The following ECT2L variants were observed in gnomAD, a reference collection of about 807,000 sequenced individuals.
ECT2L encodes epithelial cell transforming 2 like.
Under a neutral mutation model 122.8 loss-of-function variants are expected in ECT2L, and 126 were observed. The ratio of observed to expected loss-of-function variants is 1.03; its 90% CI spans 0.89 to 1.19. The LOEUF is 1.19. Among genes scored for constraint, ECT2L ranks in the 50% most tolerant of loss-of-function variants. The pLI is 0.00. For missense variants in ECT2L, 1,012 were observed against 1,064.1 expected (o/e 0.95, Z 0.68); for synonymous variants, 385 against 381.8 (o/e 1.01, Z -0.10).
In ECT2L at chr6:138,900,950, T is replaced by A; in HGVS notation, c.2417T>A (p.Leu806His). The A allele has an allele frequency of 1.2e-6, 2 of 1,613,698 alleles. No individual in the cohort carries two copies. The highest frequency in any genetic ancestry group is 1.7e-6 in the Non-Finnish European group (2 of 1,179,862). The part of the protein sequence containing the change: ...CDEEISFSLR[L>H]YEHIHDLSLF... The stretch of plus-strand genomic sequence containing the variant: ...GTACCTTCTCCATTTTAACACAGGC[T>A]CTATGAACACATCCATGATCTCAGC... Residue 806 changes from leucine (L) to histidine (H), a missense_variant and splice_region_variant, in exon 21 of 22, where the codon CTC (leucine) becomes CAC (histidine). Transcript: ENST00000541398.
intron 16 of ECT2L, 147 bp downstream of exon 16, chr6:138,883,018 G>A: frequency 4.5e-6 from 4 of 880,004 alleles, no homozygotes; most frequent in Non-Finnish European, 6.8e-6. Flanking sequence ...TCTGAGGACA[G>A]GAACCCTGAC....
intron 10 of ECT2L, among the ~76,000 whole-genome samples, chr6:138,855,223 G>GCTGGTCAGGTGTGGTGGCT (rs2128395774): frequency 6.6e-6 from 1 of 152,064 alleles, no homozygotes; most frequent in East Asian, 1.9e-4. Flanking sequence ...TAGAAAATAT[G>GCTGGTCAGGTGTGGTGGCT]CTGGTCAGGT....
chr6:138,841,336 G>C (rs1157777857), intron 5 of ECT2L, among the ~76,000 whole-genome samples: 1 of 152,200 alleles, frequency 6.6e-6, no homozygotes, highest in Admixed American at 6.6e-5. Context: ...GTGATCCTTT[G>C]AGTCTCTGGG....
chr6:138,849,848 C>G (rs1777371354), intron 9 of ECT2L, among the ~76,000 whole-genome samples: 1 of 152,106 alleles, frequency 6.6e-6, no homozygotes, highest in Non-Finnish European at 1.5e-5. Flanking sequence ...GCCACCACAC[C>G]CCAGCTGTGA....
chr6:138,896,647 T>G lies in ECT2L; in HGVS notation c.2415-4301T>G, dbSNP rs1408310368. Among the ~76,000 whole-genome samples, 5 of 152,178 alleles carry G rather than the reference T, an allele frequency of 3.3e-5. No homozygotes were observed. In the East Asian group the frequency reaches 9.6e-4, roughly 29 times the overall value. On this transcript the variant is annotated intron_variant, in intron 20 of 21. Coordinates refer to ENST00000541398, the MANE Select transcript of ECT2L (RefSeq NM_001077706.3). The stretch of plus-strand genomic sequence containing the variant: ...GTTGTCCATGTACTGAAACTCTCCA[T>G]GTACTGAAACTCTCTTTTTGAGAGA...
intron 13 of ECT2L, among the ~76,000 whole-genome samples, chr6:138,873,871 ACTGT>A (rs1778343103): frequency 1.8e-5 from 1 of 55,190 alleles, no homozygotes; most frequent in Non-Finnish European, 3.7e-5. Context: ...CAAATCCAGG[ACTGT>A]GTGTGTGTGT....
At chr6:138,856,288 C>T (rs1007240238) in intron 10 of ECT2L, among the ~76,000 whole-genome samples, 2 of 150,028 alleles carry the variant, frequency 1.3e-5, no homozygotes, top group Non-Finnish European at 3.0e-5. Context: ...GATCTCGGCT[C>T]ACTGCAACCT....
At chr6:138,876,161 GT>G (rs926252164) in intron 13 of ECT2L, among the ~76,000 whole-genome samples, 4 of 152,212 alleles carry the variant, frequency 2.6e-5, no homozygotes, top group Admixed American at 1.3e-4. Context: ...CCAGGAATGT[GT>G]GTGAGTCTTT....
rs1776923870 is a variant in ECT2L, at chr6:138,838,490, G to A, written c.318G>A (p.Trp106Ter). The change falls in exon 5 of 22, where the codon TGG (tryptophan) becomes TGA (stop). Residue 106 changes from tryptophan to a stop codon, truncating the protein, a stop_gained. Coordinates refer to ENST00000541398, the MANE Select transcript of ECT2L (RefSeq NM_001077706.3). LOFTEE classifies it high-confidence loss of function. ...KDLCAAAQVS[W>*]PWKFLTEQDC... Reference sequence around the variant, plus strand: ...TGTGTGCCGCTGCCCAAGTCAGCTGGCCCTGGAAGTTTTTAACTGAACAGG... The same window carrying A: ...TGTGTGCCGCTGCCCAAGTCAGCTGACCCTGGAAGTTTTTAACTGAACAGG... 5.0e-6 allele frequency: 8 copies of A among 1,612,142 alleles called. No individual in the cohort carries two copies. The highest frequency in any genetic ancestry group is 2.2e-5 in the East Asian group (1 of 44,848).
At chr6:138,825,359 C>A (rs974158691) in intron 4 of ECT2L, among the ~76,000 whole-genome samples, 1 of 152,106 alleles carries the variant, frequency 6.6e-6, no homozygotes, top group African/African-American at 2.4e-5. Flanking sequence ...GCGGGTGGAT[C>A]ACTTGAGGTC....
intron 8 of ECT2L, among the ~76,000 whole-genome samples, chr6:138,848,684 G>C (rs1315116533): frequency 6.6e-6 from 1 of 152,102 alleles, no homozygotes; most frequent in East Asian, 1.9e-4. Context: ...TCTCCATGTG[G>C]GCCATAGCTT....
At position 138,833,967 on chromosome 6, in the gene ECT2L, T is replaced by G. The variant is rs376807736; in HGVS notation, c.180-4385T>G. 7.9e-5 allele frequency among the ~76,000 whole-genome samples: 12 copies of G among 152,132 alleles called. No individual in the cohort carries two copies. The East Asian group carries it at 2.1e-3, about 27-fold the overall frequency. ...CCAGAAAACAGGGACCTCTGCCAAA[T>G]CCACTCTCCCCTCCACAGGCCTCTC... On this transcript the variant is annotated intron_variant, in intron 4 of 21. Coordinates refer to ENST00000541398, the MANE Select transcript of ECT2L (RefSeq NM_001077706.3).
intron 13 of ECT2L, among the ~76,000 whole-genome samples, chr6:138,871,906 C>A (rs756301947): frequency 1.3e-5 from 2 of 152,140 alleles, no homozygotes; most frequent in Non-Finnish European, 2.9e-5. Flanking sequence ...CCCTCCCCGA[C>A]AAAGTGCCCA....
chr6:138,891,728 C>T lies in ECT2L; in HGVS notation c.2414+2697C>T, dbSNP rs543449156. 1.5e-4 allele frequency among the ~76,000 whole-genome samples: 23 copies of T among 152,318 alleles called. No homozygotes were observed. In the South Asian group the frequency reaches 4.4e-3, roughly 29 times the overall value. On this transcript the variant is annotated intron_variant, in intron 20 of 21. Coordinates refer to ENST00000541398, the MANE Select transcript of ECT2L (RefSeq NM_001077706.3). ...TGTATAAAATCAAGCTGTAACCCAA[C>T]CATCTTGGGCACATTTTCTCAGGAC...
At chr6:138,811,175 C>T (rs1466562687) in intron 1 of ECT2L, among the ~76,000 whole-genome samples, 1 of 152,170 alleles carries the variant, frequency 6.6e-6, no homozygotes, top group Non-Finnish European at 1.5e-5. Flanking sequence ...CATTTGCTCA[C>T]TGTGATGGAA....
Position 138,896,849 on chromosome 6 carries a change from T to C in ECT2L, c.2415-4099T>C, listed in dbSNP as rs553567828. 3.3e-5 allele frequency among the ~76,000 whole-genome samples: 5 copies of C among 152,246 alleles called. No homozygotes were observed. In the East Asian group the frequency reaches 7.7e-4, roughly 24 times the overall value. ...TTTTAGTAGAGACGGGGTTTCGCCA[T>C]GTTGGCCAGGCTAGTCTCAAACTCC... On this transcript the variant is annotated intron_variant, in intron 20 of 21. Coordinates refer to ENST00000541398, the MANE Select transcript of ECT2L (RefSeq NM_001077706.3).
intron 4 of ECT2L, among the ~76,000 whole-genome samples, chr6:138,835,538 C>T (rs1776803093): frequency 6.8e-6 from 1 of 147,372 alleles, no homozygotes; most frequent in African/African-American, 2.5e-5. Flanking sequence ...GGTGACAGAG[C>T]CAGGCCCTGT....
At chr6:138,866,149 G>GTTTTTTTT (rs56300933) in intron 12 of ECT2L, among the ~76,000 whole-genome samples, 1 of 134,422 alleles carries the variant, frequency 7.4e-6, no homozygotes, top group Non-Finnish European at 1.6e-5. Context: ...ATTTTTCATA[G>GTTTTTTTT]TTTTTTTTTT....
intron 5 of ECT2L, among the ~76,000 whole-genome samples, chr6:138,840,199 T>C (rs1176816558): frequency 6.6e-6 from 1 of 152,032 alleles, no homozygotes; most frequent in East Asian, 1.9e-4. Flanking sequence ...TTGAGTAGGC[T>C]GAGGAAGCTG....
Sources: gnomAD v4.1 joint callset for allele counts (sites outside exome capture counted in the v4.1 genomes callset) on GRCh38, gnomAD v4.1.1 for gene constraint, MANE v1.5 for transcripts, NCBI Gene and HGNC (gene_info 2026-07-23, HGNC 2026-07-21) for gene names.